The following EXOC4 variants were observed in gnomAD, a reference collection of about 807,000 sequenced individuals.
EXOC4 encodes exocyst complex component 4, also known as SEC8-like 1.
Under a neutral mutation model 107.2 loss-of-function variants are expected in EXOC4, and 71 were observed. That is an observed-to-expected ratio of 0.66 (90% confidence interval 0.55 to 0.81). The LOEUF is 0.81. Ranked by LOEUF, EXOC4 falls within the 30% of genes least tolerant of loss-of-function variation. The pLI, the probability that EXOC4 is intolerant of heterozygous loss-of-function variation, is 0.00. For synonymous variants in EXOC4, 456 were observed against 441.2 expected, an observed-to-expected ratio of 1.03 and a Z score of -0.42; for missense variants, 1,108 against 1,189.6, an observed-to-expected ratio of 0.93 and a Z score of 1.01.
In EXOC4 at chr7:133,450,924, A is replaced by T. The variant is rs531004817; in HGVS notation, c.1183-24404A>T. Among the ~76,000 whole-genome samples, 7 of 152,320 alleles carry T rather than the reference A, an allele frequency of 4.6e-5. No individual in the cohort carries two copies. In the East Asian group the frequency reaches 1.3e-3, roughly 29 times the overall value. ...AAGTACTATTTCTAATGGATGCAGG[A>T]CAAGAAGTGTTCAGGTGGGATGGTG... On this transcript the variant is annotated intron_variant, in intron 7 of 17. Transcript: ENST00000253861.
At chr7:133,719,660 A>T (rs1451410953) in intron 10 of EXOC4, among the ~76,000 whole-genome samples, 2 of 152,084 alleles carry the variant, frequency 1.3e-5, no homozygotes, top group Non-Finnish European at 2.9e-5. Context: ...AGTAATCAAG[A>T]TTATTTTAAT....
At position 133,412,278 on chromosome 7, in the gene EXOC4, G is replaced by GTTTTTTTTTTTT. The variant is rs35334259; in HGVS notation, c.1182+37288_1182+37299dup. On this transcript the variant is annotated intron_variant, in intron 7 of 17. Transcript: ENST00000253861. The stretch of plus-strand genomic sequence containing the variant: ...ATCTGGTCAATACTGTCAGAATTCA[G>GTTTTTTTTTTTT]TTTTTTTTTTTTTTTTTTTTTTTGC... Among the ~76,000 whole-genome samples the GTTTTTTTTTTTT allele has an allele frequency of 1.5e-4, 11 of 71,482 alleles. 3 individuals carry two copies. Among genetic ancestry groups the GTTTTTTTTTTTT allele is most frequent in the Admixed American group, 2.4e-4 (1 of 4,110 alleles). The allele number at this position is 71,482 out of a possible 152,430, so 46.9% of individuals were successfully genotyped here. A position where few individuals can be genotyped will look rare whatever the true frequency, so the allele number is the denominator to read the frequency against.
intron 10 of EXOC4, among the ~76,000 whole-genome samples, chr7:133,703,764 G>C (rs1234273603): frequency 6.6e-6 from 1 of 152,170 alleles, no homozygotes; most frequent in African/African-American, 2.4e-5. Flanking sequence ...TGTCTCATCA[G>C]CTGTGGCCAG....
chr7:133,553,867 C>T (rs1296445600), intron 9 of EXOC4, among the ~76,000 whole-genome samples: 1 of 152,146 alleles, frequency 6.6e-6, no homozygotes, highest in Non-Finnish European at 1.5e-5. Flanking sequence ...ACCAGTTTCT[C>T]CCGCCTCCAC....
intron 4 of EXOC4, among the ~76,000 whole-genome samples, chr7:133,308,399 A>G (rs775097236): frequency 1.4e-4 from 22 of 152,148 alleles, no homozygotes; most frequent in Non-Finnish European, 4.4e-5. Context: ...ATAAAAAGGA[A>G]ATTTGACACA....
chr7:134,100,725 C>G, the EXOC4 span, among the ~76,000 whole-genome samples: 1 of 130,282 alleles, frequency 7.7e-6, no homozygotes, highest in African/African-American at 2.6e-5. Flanking sequence ...GCAGGTAGAT[C>G]ACGAGGTCAA....
chr7:133,638,782 A>C (rs1346681700), intron 10 of EXOC4, among the ~76,000 whole-genome samples: 1 of 152,178 alleles, frequency 6.6e-6, no homozygotes, highest in Non-Finnish European at 1.5e-5. Flanking sequence ...TGTATTTCCA[A>C]ATAAACCTAA....
intron 10 of EXOC4, among the ~76,000 whole-genome samples, chr7:133,783,664 A>T (rs573745725): frequency 6.6e-6 from 1 of 152,318 alleles, no homozygotes; most frequent in South Asian, 2.1e-4. Flanking sequence ...GCTTGTTGGT[A>T]GTTTTAAAAA....
chr7:134,072,631 G>C, the EXOC4 span, among the ~76,000 whole-genome samples: 1 of 152,216 alleles, frequency 6.6e-6, no homozygotes, highest in African/African-American at 2.4e-5. Context: ...AGATTTGGGA[G>C]TAGCGTGTCC....
intron 14 of EXOC4, among the ~76,000 whole-genome samples, chr7:133,987,993 A>G (rs569811175): frequency 2.0e-4 from 30 of 152,324 alleles, no homozygotes; most frequent in African/African-American, 6.7e-4. Context: ...AGGATGTGGA[A>G]CCACTTGAGA....
At chr7:133,449,721 T>TTGTGTGTGTGTG (rs58843853) in intron 7 of EXOC4, among the ~76,000 whole-genome samples, 4,967 of 147,940 alleles carry the variant, frequency 0.034, 127 homozygotes, top group South Asian at 0.13. Flanking sequence ...GAAAATACAT[T>TTGTGTGTGTGTG]TGTGTGTGTG....
chr7:133,530,279 A>G (rs1800157318), intron 9 of EXOC4, among the ~76,000 whole-genome samples: 2 of 152,184 alleles, frequency 1.3e-5, no homozygotes, highest in Non-Finnish European at 2.9e-5. Context: ...TGGATATACA[A>G]TCATGCATCA....
chr7:134,033,745 G>A (rs1481965160), intron 17 of EXOC4, among the ~76,000 whole-genome samples: 1 of 152,148 alleles, frequency 6.6e-6, no homozygotes, highest in East Asian at 1.9e-4. Flanking sequence ...ACAGCCTCAT[G>A]AATTTTCAGA....
intron 7 of EXOC4, among the ~76,000 whole-genome samples, chr7:133,418,740 G>T (rs1797535306): frequency 6.6e-6 from 1 of 152,150 alleles, no homozygotes; most frequent in African/African-American, 2.4e-5. Context: ...GTTACTTTTA[G>T]GGTTATTGTG....
At chr7:133,483,447 A>G (rs1408923243) in intron 9 of EXOC4, among the ~76,000 whole-genome samples, 1 of 152,216 alleles carries the variant, frequency 6.6e-6, no homozygotes, top group African/African-American at 2.4e-5. Context: ...TAAGTGACAG[A>G]GGAATTTTAC....
intron 11 of EXOC4, among the ~76,000 whole-genome samples, chr7:133,830,510 A>G (rs989084187): frequency 1.1e-4 from 17 of 152,258 alleles, no homozygotes; most frequent in African/African-American, 3.6e-4. Context: ...GCCAACAGCT[A>G]TGTTAAAGTG....
intron 14 of EXOC4, among the ~76,000 whole-genome samples, chr7:133,982,203 T>G (rs1794001199): frequency 6.6e-6 from 1 of 152,060 alleles, no homozygotes; most frequent in Non-Finnish European, 1.5e-5. Flanking sequence ...TGACGCAAAT[T>G]TACCTATATA....
chr7:134,053,010 C>G (rs1167653074), intron 17 of EXOC4, among the ~76,000 whole-genome samples: 1 of 152,174 alleles, frequency 6.6e-6, no homozygotes, highest in Admixed American at 6.5e-5. Context: ...AGATTGTATG[C>G]CATACTTAAT....
intron 10 of EXOC4, among the ~76,000 whole-genome samples, chr7:133,666,998 C>G (rs149651421): frequency 2.1e-4 from 32 of 152,220 alleles, no homozygotes; most frequent in African/African-American, 7.7e-4. Context: ...TCCCTCCTTT[C>G]CCTGTTTCTC....
Sources: allele counts gnomAD v4.1 joint callset (sites outside exome capture counted in the v4.1 genomes callset), GRCh38; gene constraint gnomAD v4.1.1; transcripts MANE v1.5; gene names NCBI Gene and HGNC (gene_info 2026-07-23, HGNC 2026-07-21).